The following ADAMTSL3 variants were observed in gnomAD, a reference collection of about 807,000 sequenced individuals.
ADAMTSL3 encodes the protein ADAMTS like 3.
A neutral mutation model predicts 201.7 loss-of-function variants in ADAMTSL3; 128 were observed. The observed-to-expected ratio is 0.63, with a 90% CI of 0.55 to 0.73. ADAMTSL3 has a LOEUF of 0.73. Ranked by LOEUF, ADAMTSL3 falls within the 30% of genes least tolerant of loss-of-function variation. ADAMTSL3 has a pLI of 0.00. For missense variants in ADAMTSL3, 1,990 were observed against 2,119.6 expected (o/e 0.94, Z 1.20); for synonymous variants, 738 against 748.4 (o/e 0.99, Z 0.23).
At chr15:83,709,918 A>C (rs1226364911) in intron 3 of ADAMTSL3, among the ~76,000 whole-genome samples, 2 of 152,226 alleles carry the variant, frequency 1.3e-5, no homozygotes, top group East Asian at 3.9e-4. Flanking sequence ...GGTGACTTAG[A>C]AATTGGGCCT....
intron 2 of ADAMTSL3, among the ~76,000 whole-genome samples, chr15:83,668,435 T>C (rs1739396732): frequency 6.6e-6 from 1 of 152,090 alleles, no homozygotes; most frequent in African/African-American, 2.4e-5. Context: ...GATTTCTTCC[T>C]TATTCTGAAG....
chr15:83,913,547 G>A (rs746789285), intron 16 of ADAMTSL3, among the ~76,000 whole-genome samples, 169 bp downstream of exon 16: 3 of 148,510 alleles, frequency 2.0e-5, no homozygotes, highest in East Asian at 3.9e-4. Flanking sequence ...TTTTTTTTTT[G>A]TAGTGATTAT....
intron 17 of ADAMTSL3, among the ~76,000 whole-genome samples, chr15:83,925,788 C>A (rs943956068): frequency 6.6e-6 from 1 of 152,092 alleles, no homozygotes; most frequent in Admixed American, 6.5e-5. Context: ...ATTATTGGAA[C>A]CACTGAATTA....
At chr15:83,972,950 T>C (rs956433408) in intron 20 of ADAMTSL3, among the ~76,000 whole-genome samples, 1 of 152,282 alleles carries the variant, frequency 6.6e-6, no homozygotes, top group Admixed American at 6.5e-5. Context: ...TTCCCTGCTG[T>C]CTTCACACAC....
chr15:83,856,302 G>A (rs2064731338), intron 7 of ADAMTSL3, among the ~76,000 whole-genome samples: 1 of 150,236 alleles, frequency 6.7e-6, no homozygotes, highest in Non-Finnish European at 1.5e-5. Context: ...CAAGTAGCTG[G>A]GATTACAGGC....
chr15:83,960,503 T>C (rs896161431), intron 19 of ADAMTSL3, among the ~76,000 whole-genome samples: 3 of 152,058 alleles, frequency 2.0e-5, no homozygotes, highest in Non-Finnish European at 4.4e-5. Flanking sequence ...GATCATGAAG[T>C]ACCTCGGAAA....
intron 23 of ADAMTSL3, among the ~76,000 whole-genome samples, chr15:83,993,584 A>T (rs1210626675): frequency 6.6e-6 from 1 of 152,182 alleles, no homozygotes; most frequent in East Asian, 1.9e-4. Context: ...TTTATAGCCA[A>T]ACATGTTTTG....
intron 17 of ADAMTSL3, among the ~76,000 whole-genome samples, chr15:83,935,017 G>A (rs1033880879): frequency 1.3e-5 from 2 of 152,194 alleles, no homozygotes; most frequent in Non-Finnish European, 2.9e-5. Context: ...AACATAGAGT[G>A]TGGAATAGAA....
intron 9 of ADAMTSL3, 114 bp from the exon 10 acceptor site, chr15:83,884,987 T>C (rs1040328743): frequency 1.5e-6 from 1 of 657,188 alleles, no homozygotes; most frequent in Non-Finnish European, 2.6e-6. Flanking sequence ...CCATAGTTTT[T>C]CTAATGGATG....
At chr15:83,808,992 G>C (rs1262408252) in intron 5 of ADAMTSL3, among the ~76,000 whole-genome samples, 5 of 152,182 alleles carry the variant, frequency 3.3e-5, no homozygotes, top group African/African-American at 1.2e-4. Context: ...GGGAGGACAG[G>C]GGGCAGGTAG....
Position 83,941,548 on chromosome 15 carries a change from CCTTTT to C in ADAMTSL3, c.2118-1040_2118-1036del, listed in dbSNP as rs562001320. Reference sequence around the variant, plus strand: ...TTATACTCTACAAATTATTTTATGACCTTTTCTTTTCTATTAAAAATATATCATGA... The same window carrying C: ...TTATACTCTACAAATTATTTTATGACCTTTTCTATTAAAAATATATCATGA... On this transcript the variant is annotated intron_variant, in intron 17 of 29. Coordinates refer to ENST00000286744, the MANE Select transcript of ADAMTSL3 (RefSeq NM_207517.3). Among the ~76,000 whole-genome samples the C allele has an allele frequency of 2.1e-3, 319 of 151,970 alleles. 1 individual carries two copies. Among genetic ancestry groups the C allele is most frequent in the African/African-American group, 7.0e-3 (290 of 41,444 alleles).
At chr15:83,749,991 G>C (rs539670369) in intron 3 of ADAMTSL3, among the ~76,000 whole-genome samples, 104 of 152,144 alleles carry the variant, frequency 6.8e-4, no homozygotes, top group Non-Finnish European at 1.3e-3. Context: ...CTTCAACTGC[G>C]TGCTCATTGA....
intron 19 of ADAMTSL3, among the ~76,000 whole-genome samples, chr15:83,959,838 A>G (rs575935777): frequency 2.0e-5 from 3 of 152,330 alleles, no homozygotes; most frequent in African/African-American, 4.8e-5. Flanking sequence ...TGCTTACTTT[A>G]ACTTAGCAGA....
intron 17 of ADAMTSL3, among the ~76,000 whole-genome samples, chr15:83,924,467 T>C (rs1334363178): frequency 6.6e-6 from 1 of 152,236 alleles, no homozygotes; most frequent in Non-Finnish European, 1.5e-5. Flanking sequence ...CTGTTTGATA[T>C]CTAGCACTCA....
intron 13 of ADAMTSL3, among the ~76,000 whole-genome samples, chr15:83,894,314 G>T (rs2065570366): frequency 6.6e-6 from 1 of 152,040 alleles, no homozygotes. Flanking sequence ...TTAATTTTTG[G>T]TCACATACTC....
At chr15:83,851,783 A>G (rs969957489) in intron 7 of ADAMTSL3, among the ~76,000 whole-genome samples, 1 of 152,206 alleles carries the variant, frequency 6.6e-6, no homozygotes, top group African/African-American at 2.4e-5. Context: ...TTGATAATTT[A>G]TATTGTAAAA....
chr15:83,942,446 G>A (rs145496115), intron 17 of ADAMTSL3, 150 bp from the exon 18 acceptor site: 150 of 631,484 alleles, frequency 2.4e-4, no homozygotes, highest in African/African-American at 1.3e-3. Flanking sequence ...TTTTAATTGC[G>A]TATATTGATG....
In ADAMTSL3 at chr15:83,701,047, A is replaced by G. The variant is rs187370853; in HGVS notation, c.70-3342A>G. Among the ~76,000 whole-genome samples, 4 of 152,330 alleles carry G rather than the reference A, an allele frequency of 2.6e-5. No individual in the cohort carries two copies. The East Asian group carries it at 7.7e-4, about 29-fold the overall frequency. On this transcript the variant is annotated intron_variant, in intron 2 of 29. Coordinates refer to ENST00000286744, the MANE Select transcript of ADAMTSL3 (RefSeq NM_207517.3). ...TTGAGAATGAGTCCATTGGAGCAGCAGAGGTGTCAGAGGAATATGTTTACT... is the reference window on the plus strand; with the variant it reads ...TTGAGAATGAGTCCATTGGAGCAGCGGAGGTGTCAGAGGAATATGTTTACT...
At chr15:83,807,860 C>G (rs1010339666) in intron 5 of ADAMTSL3, among the ~76,000 whole-genome samples, 2 of 152,156 alleles carry the variant, frequency 1.3e-5, no homozygotes, top group Non-Finnish European at 2.9e-5. Context: ...CTGATTTTCA[C>G]AAGGGTGCCA....
Sources: gnomAD v4.1 joint callset for allele counts (sites outside exome capture counted in the v4.1 genomes callset) on GRCh38, gnomAD v4.1.1 for gene constraint, MANE v1.5 for transcripts, NCBI Gene and HGNC (gene_info 2026-07-23, HGNC 2026-07-21) for gene names.